Variants in GRIN3A observed in about 807,000 individuals in gnomAD.
GRIN3A encodes the protein glutamate receptor ionotropic, NMDA 3A.
GRIN3A carries 47 observed loss-of-function variants against 92.4 expected under a neutral mutation model. The ratio of observed to expected loss-of-function variants is 0.51; its 90% CI spans 0.40 to 0.65. GRIN3A has a LOEUF of 0.65. GRIN3A is among the 30% of genes least tolerant of loss of function. The pLI is 0.00. For synonymous variants in GRIN3A, 527 were observed against 540.6 expected (o/e 0.97, Z 0.35); for missense variants, 1,324 against 1,393.1 (o/e 0.95, Z 0.79).
intron 3 of GRIN3A, among the ~76,000 whole-genome samples, chr9:101,668,121 G>T (rs1829266675): frequency 6.6e-6 from 1 of 152,006 alleles, no homozygotes; most frequent in Admixed American, 6.6e-5. Context: ...TCTTTATTCT[G>T]GTAGAGTCAG....
chr9:101,570,399 C>T lies in GRIN3A; in HGVS notation c.*2775G>A, dbSNP rs138758016. 1.3e-5 allele frequency: 2 copies of T among 152,602 alleles called. No homozygotes were observed. The highest frequency in any genetic ancestry group is 2.9e-5 in the Non-Finnish European group (2 of 68,044). 9.5% of individuals were successfully genotyped at this position (152,602 alleles called of 1,614,324 possible). On this transcript the variant is annotated 3_prime_UTR_variant, in exon 9 of 9. Transcript: ENST00000361820. ...CGGAAAGGAGGTTTCCAAGGACCCA[C>T]CATTTCATGACATCATTTTACAAAA...
chr9:101,642,845 T>C (rs76476972), intron 3 of GRIN3A, among the ~76,000 whole-genome samples: 2,765 of 152,220 alleles, frequency 0.018, 43 homozygotes, highest in Middle Eastern at 0.027. Flanking sequence ...ATGATTCTGT[T>C]ATGAGAATCT....
intron 3 of GRIN3A, among the ~76,000 whole-genome samples, chr9:101,645,964 C>T (rs1298681579): frequency 6.6e-6 from 1 of 151,382 alleles, no homozygotes; most frequent in East Asian, 1.9e-4. Flanking sequence ...CCTTTTATAA[C>T]CTGGTTATTA....
At chr9:101,665,163 G>A (rs895381614) in intron 3 of GRIN3A, among the ~76,000 whole-genome samples, 4 of 151,884 alleles carry the variant, frequency 2.6e-5, no homozygotes, top group Non-Finnish European at 5.9e-5. Flanking sequence ...GTAGTTTTAA[G>A]AAAATAGTAG....
intron 1 of GRIN3A, among the ~76,000 whole-genome samples, chr9:101,712,931 A>G (rs1014625252): frequency 2.0e-5 from 3 of 152,240 alleles, no homozygotes; most frequent in Admixed American, 2.0e-4. Flanking sequence ...AAAGATTAAG[A>G]TTAAGATTCC....
rs11506803 is a variant in GRIN3A, at chr9:101,684,122, T to C, written c.1304+2474A>G. 6.1e-5 allele frequency among the ~76,000 whole-genome samples: 9 copies of C among 147,304 alleles called. No individual in the cohort carries two copies. The South Asian group carries it at 1.3e-3, about 21-fold the overall frequency. On this transcript the variant is annotated intron_variant, in intron 2 of 8. Coordinates refer to ENST00000361820, the MANE Select transcript of GRIN3A (RefSeq NM_133445.3). ...TCTTTCTTTCTTTCTTTCTTTCTTT[T>C]TTTTTTTGTGACGGAGTCTCGCCAG...
Position 101,597,227 on chromosome 9 carries a change from C to T in GRIN3A, c.2766+16149G>A, listed in dbSNP as rs879485194. ...CATGAACAGGCTCTGATTGGTCTCACTTGGGTTGGGTTCCCACCTATGAGC... is the reference window on the plus strand; with the variant it reads ...CATGAACAGGCTCTGATTGGTCTCATTTGGGTTGGGTTCCCACCTATGAGC... On this transcript the variant is annotated intron_variant, in intron 6 of 8. Transcript: ENST00000361820. 4.9e-4 allele frequency among the ~76,000 whole-genome samples: 74 copies of T among 152,214 alleles called. 1 individual carries two copies. The highest frequency in any genetic ancestry group is 1.6e-3 in the Admixed American group (24 of 15,304).
At chr9:101,607,909 C>T (rs564215925) in intron 6 of GRIN3A, among the ~76,000 whole-genome samples, 6 of 152,316 alleles carry the variant, frequency 3.9e-5, no homozygotes, top group Admixed American at 2.0e-4. Context: ...AGGCTGTTTG[C>T]GCAGAGAAGA....
At position 101,639,506 on chromosome 9, in the gene GRIN3A, G is replaced by A. The variant is rs779080886; in HGVS notation, c.2353-11105C>T. Among the ~76,000 whole-genome samples, 9 of 152,168 alleles carry A rather than the reference G, an allele frequency of 5.9e-5. No individual in the cohort carries two copies. In the South Asian group the frequency reaches 1.2e-3, roughly 21 times the overall value. ...TGAATCATTGCCCATCACCAGCTGT[G>A]TACTATACCCTGCAGACTGAGCAGG... On this transcript the variant is annotated intron_variant, in intron 3 of 8. Transcript: ENST00000361820.
intron 3 of GRIN3A, among the ~76,000 whole-genome samples, chr9:101,651,057 T>G (rs973244529): frequency 6.6e-6 from 1 of 152,018 alleles, no homozygotes; most frequent in Admixed American, 6.6e-5. Flanking sequence ...TTCTTTTAAG[T>G]CTTTTAGAAT....
intron 6 of GRIN3A, among the ~76,000 whole-genome samples, chr9:101,609,702 T>C (rs533566150): frequency 5.8e-4 from 89 of 152,296 alleles, no homozygotes; most frequent in African/African-American, 2.0e-3. Context: ...AGGAATCATA[T>C]GGTCCCTTCA....
chr9:101,720,478 A>T (rs1421548523), intron 1 of GRIN3A, among the ~76,000 whole-genome samples: 1 of 152,130 alleles, frequency 6.6e-6, no homozygotes, highest in Admixed American at 6.5e-5. Context: ...TCCCGACTCC[A>T]TATCCCCTTG....
intron 1 of GRIN3A, among the ~76,000 whole-genome samples, chr9:101,736,246 T>A (rs1208987683): frequency 6.6e-6 from 1 of 152,222 alleles, no homozygotes; most frequent in Admixed American, 6.5e-5. Context: ...AGTTTCTCAG[T>A]CGTTAAAATG....
rs189425146 is a variant in GRIN3A at position 101,670,950 on chromosome 9, T to C, written c.1462A>G (p.Lys488Glu). The change falls in exon 3 of 9, where the codon AAG becomes GAG. Residue 488 changes from lysine to glutamate, a missense_variant. Transcript: ENST00000361820. ...CATATTCCATAGTCCATGACAATCT[T>C]TCCCCCCTGCCAGCTGCCCAAGCGG... ...WTRLGSWQGG[K>E]IVMDYGIWPE... The C allele has an allele frequency of 2.3e-4, 373 of 1,614,058 alleles. 3 individuals carry two copies. The East Asian group carries it at 7.3e-3, about 32-fold the overall frequency.
chr9:101,658,646 C>T (rs933859118), intron 3 of GRIN3A, among the ~76,000 whole-genome samples: 20 of 151,810 alleles, frequency 1.3e-4, no homozygotes, highest in African/African-American at 4.6e-4. Flanking sequence ...ATGGTAAACT[C>T]ACTTCTTGAG....
At chr9:101,660,547 C>T (rs1829159469) in intron 3 of GRIN3A, among the ~76,000 whole-genome samples, 1 of 151,796 alleles carries the variant, frequency 6.6e-6, no homozygotes, top group African/African-American at 2.4e-5. Context: ...TTAGTCTGTA[C>T]TCTCATGGAG....
chr9:101,666,142 G>A (rs1048427535), intron 3 of GRIN3A, among the ~76,000 whole-genome samples: 2 of 151,678 alleles, frequency 1.3e-5, no homozygotes, highest in African/African-American at 4.8e-5. Context: ...CTTATTCATG[G>A]TGCATTCCTT....
At chr9:101,736,579 T>C (rs918391798) in intron 1 of GRIN3A, among the ~76,000 whole-genome samples, 1 of 152,104 alleles carries the variant, frequency 6.6e-6, no homozygotes, top group African/African-American at 2.4e-5. Context: ...CCACATTACA[T>C]AGAAGGAAAG....
intron 3 of GRIN3A, among the ~76,000 whole-genome samples, chr9:101,660,311 A>G (rs1360645051): frequency 6.6e-6 from 1 of 151,836 alleles, no homozygotes; most frequent in East Asian, 1.9e-4. Context: ...AATACATACA[A>G]TAATTATATA....
Sources: gnomAD v4.1 joint callset for allele counts (sites outside exome capture counted in the v4.1 genomes callset) on GRCh38, gnomAD v4.1.1 for gene constraint, MANE v1.5 for transcripts, NCBI Gene and HGNC (gene_info 2026-07-23, HGNC 2026-07-21) for gene names.